SAMD12: variants seen among roughly 807,000 people sequenced by gnomAD.
SAMD12 encodes sterile alpha motif domain-containing protein 12.
Under a neutral mutation model 15.0 loss-of-function variants are expected in SAMD12, and 9 were observed. The ratio of observed to expected loss-of-function variants is 0.60; its 90% CI spans 0.36 to 1.05. The LOEUF (loss-of-function observed/expected upper bound fraction) is 1.05. Among genes scored for constraint, SAMD12 ranks in the 50% least tolerant of loss-of-function variants. The pLI, the probability that SAMD12 is intolerant of heterozygous loss-of-function variation, is 0.01. For synonymous variants in SAMD12, 86 were observed against 90.1 expected, an observed-to-expected ratio of 0.96 and a Z score of 0.25; for missense variants, 230 against 234.2, an observed-to-expected ratio of 0.98 and a Z score of 0.12.
chr8:118,191,763 TATATATATATATATATATATATATA>T (rs1819385235), exon 5 of SAMD12: 7 of 14,434 alleles, frequency 4.8e-4, no homozygotes, highest in Admixed American at 2.3e-3. Context: ...AGATTATATA[TATATATATATATATATATATATATA>T]TATATATATA....
chr8:118,292,254 C>CCT, intron 4 of SAMD12, among the ~76,000 whole-genome samples: 1 of 150,848 alleles, frequency 6.6e-6, no homozygotes, highest in Admixed American at 6.6e-5. Context: ...AGAACTCACT[C>CCT]TTATAACCAA....
At chr8:118,431,717 T>TGTAC (rs1822424537) in intron 3 of SAMD12, among the ~76,000 whole-genome samples, 1 of 150,392 alleles carries the variant, frequency 6.6e-6, no homozygotes, top group Admixed American at 6.6e-5. Context: ...TGTGTGTGTG[T>TGTAC]GTGTGTGTGT....
chr8:118,261,208 C>T (rs1813068473), intron 4 of SAMD12, among the ~76,000 whole-genome samples: 1 of 152,088 alleles, frequency 6.6e-6, no homozygotes, highest in Non-Finnish European at 1.5e-5. Context: ...TACAGCACCA[C>T]TTATTAGCAC....
intron 2 of SAMD12, among the ~76,000 whole-genome samples, chr8:118,473,191 G>T (rs1823855036): frequency 6.6e-6 from 1 of 152,118 alleles, no homozygotes; most frequent in South Asian, 2.1e-4. Context: ...ACCTCCTTCT[G>T]GCATCAGCTC....
intron 4 of SAMD12, among the ~76,000 whole-genome samples, chr8:118,276,743 G>C (rs1353891279): frequency 6.6e-6 from 1 of 152,070 alleles, no homozygotes; most frequent in Non-Finnish European, 1.5e-5. Context: ...TGTGATCTTA[G>C]CTCACTGTAA....
rs1813100382 is a variant in SAMD12 at position 118,262,376 on chromosome 8, C to T, written c.434-64644G>A. Among the ~76,000 whole-genome samples, 4 of 152,164 alleles carry T rather than the reference C, an allele frequency of 2.6e-5. No homozygotes were observed. The South Asian group carries it at 6.2e-4, about 24-fold the overall frequency. ...GTGATTTCAGCATGGAAACAAAACA[C>T]CATTTACATTTCTGTTAACAGTCTA... On this transcript the variant is annotated intron_variant, in intron 4 of 4. Coordinates refer to the SAMD12 transcript ENST00000409003.
At chr8:118,500,067 C>CTTTTTTTTTTTTTTTTTT (rs563321387) in intron 2 of SAMD12, among the ~76,000 whole-genome samples, 2 of 72,574 alleles carry the variant, frequency 2.8e-5, no homozygotes, top group Non-Finnish European at 2.4e-5. Context: ...TGAGTTTTGC[C>CTTTTTTTTTTTTTTTTTT]TTTTTTTTTT....
At chr8:118,611,118 C>T (rs1466155614) in intron 1 of SAMD12, among the ~76,000 whole-genome samples, 2 of 152,130 alleles carry the variant, frequency 1.3e-5, no homozygotes, top group African/African-American at 4.8e-5. Flanking sequence ...AGCTTACCCA[C>T]CCTATTATCT....
At chr8:118,258,478 A>G (rs150011353) in intron 4 of SAMD12, among the ~76,000 whole-genome samples, 7 of 152,202 alleles carry the variant, frequency 4.6e-5, no homozygotes, top group Non-Finnish European at 8.8e-5. Context: ...AGTGCCTACT[A>G]TGTGCCTGGC....
At chr8:118,173,699 A>C in the SAMD12 span, among the ~76,000 whole-genome samples, 1 of 148,596 alleles carries the variant, frequency 6.7e-6, no homozygotes. Flanking sequence ...GTACAATCTC[A>C]GCTCACTGCC....
chr8:118,235,347 A>G (rs28370832), intron 4 of SAMD12, among the ~76,000 whole-genome samples: 1,870 of 152,050 alleles, frequency 0.012, 50 homozygotes, highest in African/African-American at 0.043. Flanking sequence ...AGTAACTGGG[A>G]CTACAGGCAT....
chr8:118,141,915 T>C, the SAMD12 span, among the ~76,000 whole-genome samples: 1 of 152,192 alleles, frequency 6.6e-6, no homozygotes, highest in Non-Finnish European at 1.5e-5. Context: ...TGATAGTTTC[T>C]AGAAAATTTT....
At chr8:118,216,285 G>A (rs1200159308) in intron 4 of SAMD12, among the ~76,000 whole-genome samples, 2 of 151,984 alleles carry the variant, frequency 1.3e-5, no homozygotes, top group African/African-American at 2.4e-5. Context: ...GTCTGTTCAT[G>A]TCCTTCGCCC....
intron 3 of SAMD12, among the ~76,000 whole-genome samples, chr8:118,398,812 C>G (rs1462115409): frequency 1.3e-5 from 2 of 152,198 alleles, no homozygotes; most frequent in African/African-American, 4.8e-5. Context: ...TAGGTCAAAA[C>G]TCACCATACA....
intron 2 of SAMD12, among the ~76,000 whole-genome samples, chr8:118,555,884 G>A (rs1322114664): frequency 6.6e-6 from 1 of 152,138 alleles, no homozygotes; most frequent in Non-Finnish European, 1.5e-5. Flanking sequence ...GTTACAATTG[G>A]ATCCTTGAGG....
intron 4 of SAMD12, among the ~76,000 whole-genome samples, chr8:118,210,591 G>GA (rs1819992576): frequency 6.6e-6 from 1 of 152,022 alleles, no homozygotes; most frequent in South Asian, 2.1e-4. Context: ...CATTTGAAAA[G>GA]AAAAAAACAA....
chr8:118,165,265 C>T, the SAMD12 span, among the ~76,000 whole-genome samples: 1 of 152,032 alleles, frequency 6.6e-6, no homozygotes, highest in Non-Finnish European at 1.5e-5. Context: ...CTCAGAGAAA[C>T]ACTTTACTTA....
At chr8:118,266,755 A>C (rs1420844026) in intron 4 of SAMD12, among the ~76,000 whole-genome samples, 2 of 152,148 alleles carry the variant, frequency 1.3e-5, no homozygotes, top group Non-Finnish European at 2.9e-5. Context: ...ATACTGCATG[A>C]TCTCTCTTAT....
chr8:118,444,610 A>G (rs16891039), intron 2 of SAMD12, among the ~76,000 whole-genome samples: 3,674 of 151,912 alleles, frequency 0.024, 134 homozygotes, highest in African/African-American at 0.084. Flanking sequence ...TTTTACAGTA[A>G]TTCTGATTTG....
Sources: allele counts gnomAD v4.1 joint callset (sites outside exome capture counted in the v4.1 genomes callset), GRCh38; gene constraint gnomAD v4.1.1; transcripts MANE v1.5; gene names NCBI Gene and HGNC (gene_info 2026-07-23, HGNC 2026-07-21).